The following KDM4C variants were observed in gnomAD, a reference collection of about 807,000 sequenced individuals.
KDM4C encodes the protein lysine-specific demethylase 4C.
In KDM4C, 81 loss-of-function variants were observed where a neutral mutation model predicts 129.3. That is an observed-to-expected ratio of 0.63 (90% confidence interval 0.52 to 0.75). The LOEUF is 0.75. Among genes scored for constraint, KDM4C ranks in the 30% least tolerant of loss-of-function variants. The probability of loss-of-function intolerance (pLI) is 0.00; values close to 1 mark genes in which losing one functional copy is unlikely to be tolerated. For missense variants in KDM4C, 1,457 were observed against 1,304.0 expected, an observed-to-expected ratio of 1.12 and a Z score of -1.81; for synonymous variants, 573 against 456.1, an observed-to-expected ratio of 1.26 and a Z score of -3.26.
intron 5 of KDM4C, among the ~76,000 whole-genome samples, chr9:6,868,587 C>T (rs145676594): frequency 1.5e-4 from 23 of 152,266 alleles, no homozygotes; most frequent in Middle Eastern, 3.4e-3. Context: ...TACTTGTAAG[C>T]CCTAATACAA....
intron 19 of KDM4C, among the ~76,000 whole-genome samples, chr9:7,157,706 A>G (rs920584581): frequency 6.6e-6 from 1 of 152,188 alleles, no homozygotes; most frequent in Non-Finnish European, 1.5e-5. Context: ...GATGAAGCCA[A>G]CTTGATCATG....
At chr9:7,110,233 T>C (rs541289298) in intron 18 of KDM4C, among the ~76,000 whole-genome samples, 1 of 152,322 alleles carries the variant, frequency 6.6e-6, no homozygotes, top group East Asian at 1.9e-4. Context: ...TGGTTCTTTT[T>C]TATGGGAGCT....
intron 17 of KDM4C, among the ~76,000 whole-genome samples, chr9:7,063,559 T>G (rs1315301538): frequency 6.6e-6 from 1 of 152,234 alleles, no homozygotes; most frequent in East Asian, 1.9e-4. Flanking sequence ...TAATATGTAG[T>G]TAGGTGATAA....
Position 7,174,880 on chromosome 9 carries a change from CA to C in KDM4C, c.*156del. The C allele has an allele frequency of 1.7e-6, 1 of 599,090 alleles. No individual in the cohort carries two copies. The highest frequency in any genetic ancestry group is 2.9e-6 in the Non-Finnish European group (1 of 339,812). 37.1% of individuals were successfully genotyped at this position (599,090 alleles called of 1,614,324 possible). ...AATCGGGTTTCCAGAGTTTGGTCACCAAAAATACAAAATACACCCAATGAAT... is the reference window on the plus strand; with the variant it reads ...AATCGGGTTTCCAGAGTTTGGTCACCAAAATACAAAATACACCCAATGAAT... On this transcript the variant is annotated 3_prime_UTR_variant, in exon 22 of 22. Coordinates refer to ENST00000381309, the MANE Select transcript of KDM4C (RefSeq NM_015061.6).
intron 3 of KDM4C, 118 bp downstream of exon 3, chr9:6,805,892 C>T (rs1829878533): frequency 9.2e-6 from 8 of 870,582 alleles, no homozygotes; most frequent in African/African-American, 1.7e-5. Flanking sequence ...TGCAATTTTT[C>T]ACCCTTCATT....
At chr9:7,110,651 T>C (rs1463009004) in intron 18 of KDM4C, among the ~76,000 whole-genome samples, 2 of 152,216 alleles carry the variant, frequency 1.3e-5, no homozygotes, top group African/African-American at 4.8e-5. Flanking sequence ...CCTCTGCTTT[T>C]CTGGTCTCTT....
intron 1 of KDM4C, among the ~76,000 whole-genome samples, chr9:6,724,937 G>A (rs1817072865): frequency 6.6e-6 from 1 of 152,100 alleles, no homozygotes; most frequent in Admixed American, 6.6e-5. Context: ...GTTTCACTGG[G>A]CTGAAATCAA....
intron 8 of KDM4C, among the ~76,000 whole-genome samples, chr9:6,928,513 G>A (rs1351717175): frequency 6.6e-6 from 1 of 151,876 alleles, no homozygotes; most frequent in Non-Finnish European, 1.5e-5. Context: ...CTTCCTCGTG[G>A]TTTCACCAAG....
chr9:6,758,456 G>C lies in KDM4C; in HGVS notation c.-18+253G>C, dbSNP rs1286460803. Among the ~76,000 whole-genome samples, 1 of 152,216 alleles carries C rather than the reference G, an allele frequency of 6.6e-6. No homozygotes were observed. The highest frequency in any genetic ancestry group is 1.5e-5 in the Non-Finnish European group (1 of 68,030). On this transcript the variant is annotated intron_variant, in intron 1 of 21. Coordinates refer to ENST00000381309, the MANE Select transcript of KDM4C (RefSeq NM_015061.6). The surrounding 1 kb of genome is among the most constrained non-coding windows in gnomAD (Gnocchi z 4.6). ...GCCCTTACCGAGGTTCGGTACCCGCGCTCGCCGTTTTCCCGGGATCCGGAG... is the reference window on the plus strand; with the variant it reads ...GCCCTTACCGAGGTTCGGTACCCGCCCTCGCCGTTTTCCCGGGATCCGGAG...
chr9:7,022,020 G>C (rs1287210707), intron 15 of KDM4C, among the ~76,000 whole-genome samples: 1 of 152,050 alleles, frequency 6.6e-6, no homozygotes, highest in African/African-American at 2.4e-5. Flanking sequence ...CTAAGTGTCT[G>C]TTTTTATGCC....
intron 15 of KDM4C, among the ~76,000 whole-genome samples, chr9:7,019,030 T>A (rs1442979163): frequency 2.0e-5 from 3 of 152,208 alleles, no homozygotes; most frequent in African/African-American, 7.2e-5. Flanking sequence ...TCCACTTGTT[T>A]TTTCAGCGTA....
intron 8 of KDM4C, among the ~76,000 whole-genome samples, chr9:6,959,517 T>C (rs1829672677): frequency 6.6e-6 from 1 of 152,220 alleles, no homozygotes; most frequent in Non-Finnish European, 1.5e-5. Flanking sequence ...ACACAGAAGC[T>C]ACATATTTAC....
chr9:7,059,562 G>A (rs1452390959), intron 17 of KDM4C, among the ~76,000 whole-genome samples: 3 of 152,186 alleles, frequency 2.0e-5, no homozygotes, highest in Admixed American at 6.5e-5. Context: ...AAGTTTTGGT[G>A]AAGTATCATG....
At position 6,879,326 on chromosome 9, in the gene KDM4C, A is replaced by G. The variant is rs145759790; in HGVS notation, c.630-686A>G. 2.8e-3 allele frequency among the ~76,000 whole-genome samples: 420 copies of G among 152,338 alleles called. 2 individuals are homozygous for G. Among genetic ancestry groups the G allele is most frequent in the African/African-American group, 9.6e-3 (399 of 41,580 alleles). The stretch of plus-strand genomic sequence containing the variant: ...TGTTTTAAAATTTCTTAGCAAGTCC[A>G]TAGTAAAAATAACTATGGAACTAGA... On this transcript the variant is annotated intron_variant, in intron 5 of 21. Transcript: ENST00000381309.
At chr9:7,126,943 A>G (rs1351542530) in intron 18 of KDM4C, among the ~76,000 whole-genome samples, 5 of 152,214 alleles carry the variant, frequency 3.3e-5, no homozygotes, top group African/African-American at 1.2e-4. Context: ...CAGTTTGAAC[A>G]CCAAAATAAT....
chr9:6,815,528 C>T (rs941770121), intron 4 of KDM4C, among the ~76,000 whole-genome samples: 43 of 152,104 alleles, frequency 2.8e-4, no homozygotes, highest in African/African-American at 9.2e-4. Context: ...TATTTTCTTT[C>T]GAAAAATTTC....
At chr9:6,970,928 G>A (rs1016197445) in intron 8 of KDM4C, among the ~76,000 whole-genome samples, 7 of 151,756 alleles carry the variant, frequency 4.6e-5, no homozygotes, top group Non-Finnish European at 8.8e-5. Flanking sequence ...CGGCTCTACC[G>A]TCTTCTCCCT....
At chr9:6,776,905 A>G (rs769744115) in intron 1 of KDM4C, among the ~76,000 whole-genome samples, 31 of 152,288 alleles carry the variant, frequency 2.0e-4, no homozygotes, top group Admixed American at 4.6e-4. Flanking sequence ...CTGGGCCTCA[A>G]TCCCACCTTT....
chr9:6,942,282 A>AGT (rs58676459), intron 8 of KDM4C, among the ~76,000 whole-genome samples: 5,739 of 142,574 alleles, frequency 0.04, 207 homozygotes, highest in African/African-American at 0.095. Flanking sequence ...TAGCCCTCAA[A>AGT]GTGTGTGTGT....
Sources: gnomAD v4.1 joint callset for allele counts (sites outside exome capture counted in the v4.1 genomes callset) on GRCh38, gnomAD v4.1.1 for gene constraint, Gnocchi (gnomAD v3.1) non-coding constraint, MANE v1.5 for transcripts, NCBI Gene and HGNC (gene_info 2026-07-23, HGNC 2026-07-21) for gene names.